RYR1: variants seen among roughly 807,000 people sequenced by gnomAD.
The protein encoded by RYR1 is ryanodine receptor 1, also known as central core disease of muscle.
In RYR1, 342 loss-of-function variants were observed where a neutral mutation model predicts 583.5. The observed-to-expected ratio is 0.59, with a 90% CI of 0.54 to 0.64. The LOEUF is 0.64. Among genes scored for constraint, RYR1 ranks in the 30% least tolerant of loss-of-function variants. RYR1 has a pLI of 0.00. For missense variants in RYR1, 6,032 were observed against 6,917.2 expected, an observed-to-expected ratio of 0.87 and a Z score of 4.54; for synonymous variants, 2,791 against 2,822.5, an observed-to-expected ratio of 0.99 and a Z score of 0.35.
intron 9 of RYR1, 29 bp downstream of exon 9, chr19:38,446,797 G>T: frequency 6.3e-7 from 1 of 1,584,504 alleles, no homozygotes; most frequent in South Asian, 1.1e-5. Flanking sequence ...GGAGAGACCA[G>T]GGAGAGGCTG....
chr19:38,586,254 G>A, intron 104 of RYR1, 63 bp downstream of exon 104: 1 of 1,457,376 alleles, frequency 6.9e-7, no homozygotes, highest in East Asian at 2.3e-5. Flanking sequence ...CCAGCAGTGG[G>A]GTACTTAGCT....
chr19:38,553,918 G>A (rs1003996263), intron 89 of RYR1, among the ~76,000 whole-genome samples: 4 of 152,152 alleles, frequency 2.6e-5, no homozygotes, highest in Non-Finnish European at 5.9e-5. Context: ...TTTTTTACAG[G>A]TGTCCAATAT....
At chr19:38,438,785 A>AT (rs1161388747) in intron 1 of RYR1, among the ~76,000 whole-genome samples, 1 of 151,140 alleles carries the variant, frequency 6.6e-6, no homozygotes, top group African/African-American at 2.4e-5. Flanking sequence ...CACCCGGCTA[A>AT]TTTTTTGTAT....
At chr19:38,510,473 T>A in intron 58 of RYR1, 25 bp from the exon 59 acceptor site, 1 of 1,614,042 alleles carries the variant, frequency 6.2e-7, no homozygotes, top group East Asian at 2.2e-5. Flanking sequence ...GAACCCACTG[T>A]GAACCCTATT....
rs773283518 is a variant in RYR1, at chr19:38,499,622, T to A, written c.7028-13T>A. 1 of 1,596,976 alleles carries A rather than the reference T, an allele frequency of 6.3e-7. No individual in the cohort carries two copies. Among genetic ancestry groups the A allele is most frequent in the African/African-American group, 1.3e-5 (1 of 74,814 alleles). ...TGGCTCATGAGACCCCCTTTCCCCA[T>A]GCGGGTGGCCAGGCGAGAGCGTGGA... is the stretch of plus-strand genomic sequence containing the variant. On this transcript the variant is annotated splice_polypyrimidine_tract_variant and intron_variant, in intron 43 of 105. Transcript: ENST00000359596. This position sits in a 1 kb window ranked among gnomAD's most constrained non-coding sequence, Gnocchi z 7.3.
Position 38,483,072 on chromosome 19 carries a change from A to G in RYR1, c.4666A>G (p.Thr1556Ala), listed in dbSNP as rs1383083071. Residue 1556 changes from threonine (T) to alanine (A), a missense_variant, in exon 32 of 106, where the codon ACC becomes GCC. Coordinates refer to ENST00000359596, the MANE Select transcript of RYR1 (RefSeq NM_000540.3). The surrounding 1 kb of genome is among the most constrained non-coding windows in gnomAD (Gnocchi z 6.3). ...KLFPAVFVLP[T>A]HQNVIQFELG... ...ATTTCCTGCCGTCTTCGTCCTGCCC[A>G]CCCACCAGAACGTCATCCAGTTTGA... 10 of 1,613,896 alleles carry G rather than the reference A, an allele frequency of 6.2e-6. No individual in the cohort carries two copies. The highest frequency in any genetic ancestry group is 1.7e-5 in the Admixed American group (1 of 59,970).
chr19:38,502,467 G>A (rs748300141), intron 47 of RYR1, 40 bp from the exon 48 acceptor site: 2 of 1,566,302 alleles, frequency 1.3e-6, no homozygotes, highest in Non-Finnish European at 1.7e-6. Context: ...GCAGCCCCAG[G>A]GGTGTGCAGC....
intron 92 of RYR1, 58 bp from the exon 93 acceptor site, chr19:38,567,715 T>A: frequency 6.2e-7 from 1 of 1,613,846 alleles, no homozygotes; most frequent in Non-Finnish European, 8.5e-7. Flanking sequence ...TTTGAATGAA[T>A]GAACTCATGC....
At chr19:38,477,212 G>C in intron 29 of RYR1, among the ~76,000 whole-genome samples, 1 of 151,954 alleles carries the variant, frequency 6.6e-6, no homozygotes, top group Non-Finnish European at 1.5e-5. Flanking sequence ...GCACGATCTC[G>C]GCTCACTGCA....
Position 38,505,917 on chromosome 19 carries a change from A to G in RYR1, c.8512A>G (p.Lys2838Glu). Residue 2838 changes from lysine to glutamate, a missense_variant, in exon 54 of 106, where the codon AAA becomes GAA. By Grantham distance (56) the Lys-to-Glu change is moderately conservative (BLOSUM62 1). This residue lies in a region of RYR1 where 1,493 missense variants were observed against 1,715.5 expected (regional missense o/e 0.87). Transcript: ENST00000359596. ...TGAGGAGGAGAAGACGGAAAAGAAA[A>G]AAACGCGGAAGATATCACAAAGTGC... ...EGEEEKTEKK[K>E]TRKISQSAQT... is the part of the protein sequence containing the mutation. 1.2e-6 allele frequency: 2 copies of G among 1,613,726 alleles called. No individual in the cohort carries two copies. The highest frequency in any genetic ancestry group is 8.5e-7 in the Non-Finnish European group (1 of 1,179,970).
At chr19:38,486,298 C>T (rs1483960029) in intron 34 of RYR1, 96 bp downstream of exon 34, 4 of 1,439,630 alleles carry the variant, frequency 2.8e-6, no homozygotes, top group Non-Finnish European at 3.9e-6. Flanking sequence ...TTTATGCATC[C>T]AACCACCCAT....
In RYR1 at chr19:38,512,573, G is replaced by A; in HGVS notation, c.9472+90G>A. 8.1e-7 allele frequency: 1 copy of A among 1,230,292 alleles called. No homozygotes were observed. Among genetic ancestry groups the A allele is most frequent in the Non-Finnish European group, 1.2e-6 (1 of 845,768 alleles). The allele number at this position is 1,230,292 out of a possible 1,614,324, so 76.2% of individuals were successfully genotyped here. On this transcript the variant is annotated intron_variant, in intron 63 of 105. Coordinates refer to ENST00000359596, the MANE Select transcript of RYR1 (RefSeq NM_000540.3). The surrounding 1 kb of genome is among the most constrained non-coding windows in gnomAD (Gnocchi z 5.1). ...TGCCTGTGAGAGTCCCTGGGTGTTT[G>A]AATGTGTGGATTTCTTGCTGTAAGC... is the stretch of plus-strand genomic sequence containing the variant.
intron 90 of RYR1, among the ~76,000 whole-genome samples, chr19:38,563,367 C>T (rs916135964): frequency 1.8e-4 from 28 of 152,330 alleles, no homozygotes; most frequent in African/African-American, 6.3e-4. Flanking sequence ...TGGGTTCAAG[C>T]GGTTTTCCTG....
chr19:38,491,858 TCA>T (rs1410456245), intron 37 of RYR1, among the ~76,000 whole-genome samples: 1 of 152,208 alleles, frequency 6.6e-6, no homozygotes, highest in African/African-American at 2.4e-5. Flanking sequence ...ATTTTTTATT[TCA>T]GTTATTTTAT....
At chr19:38,530,987 C>CTTT (rs59244176) in intron 76 of RYR1, among the ~76,000 whole-genome samples, 6 of 129,368 alleles carry the variant, frequency 4.6e-5, no homozygotes, top group Non-Finnish European at 6.5e-5. Context: ...TTTTCTTTCT[C>CTTT]TTTTTTTTTT....
Position 38,512,249 on chromosome 19 carries a change from G to C in RYR1, c.9238G>C (p.Val3080Leu). 3.7e-6 allele frequency: 6 copies of C among 1,614,264 alleles called. No individual in the cohort carries two copies. Among genetic ancestry groups the C allele is most frequent in the Non-Finnish European group, 5.1e-6 (6 of 1,180,046 alleles). Residue 3080 changes from valine (V) to leucine (L), a missense_variant, in exon 63 of 106, where the codon GTG becomes CTG. Coordinates refer to ENST00000359596, the MANE Select transcript of RYR1 (RefSeq NM_000540.3). The surrounding 1 kb of genome is among the most constrained non-coding windows in gnomAD (Gnocchi z 5.1). ...GTTCCCCCGCTGCCCTTCTAGGACA[G>C]TGATGAAGTCAGGCCCTGAGATCGT... ...ILARSLDART[V>L]MKSGPEIVKA...
rs776498203 is a variant in RYR1, at chr19:38,577,899, C to G, written c.14173-19C>G. On this transcript the variant is annotated intron_variant, in intron 97 of 105. Transcript: ENST00000359596. Reference sequence around the variant, plus strand: ...CACACTCCAGCTGTGTCTACACAGCCTGATGCTCTCTTGTGCAGGTCCTGG... The same window carrying G: ...CACACTCCAGCTGTGTCTACACAGCGTGATGCTCTCTTGTGCAGGTCCTGG... 4 of 1,613,932 alleles carry G rather than the reference C, an allele frequency of 2.5e-6. No homozygotes were observed. The South Asian group carries it at 4.4e-5, about 18-fold the overall frequency.
intron 42 of RYR1, 148 bp downstream of exon 42, chr19:38,497,102 A>C: frequency 1.4e-6 from 1 of 707,256 alleles, no homozygotes; most frequent in Non-Finnish European, 2.6e-6. Context: ...ATTTGCAGGG[A>C]GAGAACGGCA....
intron 33 of RYR1, among the ~76,000 whole-genome samples, chr19:38,484,777 AG>A (rs768250799): frequency 1.8e-4 from 28 of 152,156 alleles, no homozygotes; most frequent in Non-Finnish European, 4.0e-4. Context: ...TGAAACCACC[AG>A]GAAGCACAGT....
Sources: allele counts gnomAD v4.1 joint callset (sites outside exome capture counted in the v4.1 genomes callset), GRCh38; gene constraint gnomAD v4.1.1; regional missense constraint gnomAD v4.1.1; non-coding constraint Gnocchi (gnomAD v3.1); transcripts MANE v1.5; gene names NCBI Gene and HGNC (gene_info 2026-07-23, HGNC 2026-07-21).